The following CARS1 variants were observed in gnomAD, a reference collection of about 807,000 sequenced individuals.
CARS1 encodes the protein cysteinyl-tRNA synthetase 1, also known as cysteine--tRNA ligase, cytoplasmic.
CARS1 carries 48 observed loss-of-function variants against 106.2 expected under a neutral mutation model. The observed-to-expected ratio is 0.45, with a 90% CI of 0.36 to 0.57. CARS1 has a LOEUF of 0.57. Ranked by LOEUF, CARS1 falls within the 20% of genes least tolerant of loss-of-function variation. The pLI is 0.00. For missense variants in CARS1, 968 were observed against 1,057.2 expected (o/e 0.92, Z 1.17); for synonymous variants, 409 against 403.4 (o/e 1.01, Z -0.17).
intron 1 of CARS1, among the ~76,000 whole-genome samples, chr11:3,054,336 G>C (rs946486565): frequency 3.3e-5 from 5 of 152,214 alleles, no homozygotes; most frequent in Admixed American, 2.0e-4. Flanking sequence ...CAATGAGCCT[G>C]TGGGGTGATC....
At position 3,008,869 on chromosome 11, in the gene CARS1, T is replaced by C. The variant is rs1850162603; in HGVS notation, c.2069-1910A>G. 1 of 152,076 alleles carries C rather than the reference T, an allele frequency of 6.6e-6. No individual in the cohort carries two copies. The highest frequency in any genetic ancestry group is 2.4e-5 in the African/African-American group (1 of 41,388). The allele number at this position is 152,076 out of a possible 1,614,324, so 9.4% of individuals were successfully genotyped here. A position where few individuals can be genotyped will look rare whatever the true frequency, so the allele number is the denominator to read the frequency against. ...TGAAAGCCACCCCTGGATAGCACCC[T>C]CATTAGAAGGAAGGCAAGCCAGCAC... On this transcript the variant is annotated intron_variant, in intron 18 of 22. Coordinates refer to ENST00000380525, the MANE Select transcript of CARS1 (RefSeq NM_001014437.3). This position sits in a 1 kb window ranked among gnomAD's most constrained non-coding sequence, Gnocchi z 5.1.
In CARS1 at chr11:3,022,320, T is replaced by C. The variant is rs1851639937; in HGVS notation, c.1154-1988A>G. ...TGAAGACCTGCACCAAGGAACTGAC[T>C]CGTCGCAGAAATGTGGTTTACCTCC... On this transcript the variant is annotated intron_variant, in intron 10 of 22. Coordinates refer to ENST00000380525, the MANE Select transcript of CARS1 (RefSeq NM_001014437.3). The surrounding 1 kb of genome is among the most constrained non-coding windows in gnomAD (Gnocchi z 4.9). Among the ~76,000 whole-genome samples the C allele has an allele frequency of 6.6e-6, 1 of 152,200 alleles. No homozygotes were observed. The highest frequency in any genetic ancestry group is 2.1e-4 in the South Asian group (1 of 4,834).
intron 1 of CARS1, among the ~76,000 whole-genome samples, chr11:3,049,094 T>C (rs1855404901): frequency 7.9e-6 from 1 of 127,246 alleles, no homozygotes; most frequent in African/African-American, 3.1e-5. Flanking sequence ...CCCTTTTTTA[T>C]TTTTATTTAT....
At position 3,027,016 on chromosome 11, in the gene CARS1, G is replaced by A. The variant is rs1050046307; in HGVS notation, c.1032-219C>T. On this transcript the variant is annotated intron_variant, in intron 9 of 22. Coordinates refer to ENST00000380525, the MANE Select transcript of CARS1 (RefSeq NM_001014437.3). ...GCAGCCTGCCTGCCCTGGGCAGCTC[G>A]TCCCTCTGCCTGGCGTCCTGTGACC... 30 of 502,544 alleles carry A rather than the reference G, an allele frequency of 6.0e-5. No homozygotes were observed. In the Admixed American group the frequency reaches 7.6e-4, roughly 13 times the overall value. 31.1% of individuals were successfully genotyped at this position (502,544 alleles called of 1,614,324 possible). A position where few individuals can be genotyped will look rare whatever the true frequency, so the allele number is the denominator to read the frequency against.
chr11:3,002,636 T>TG, intron 20 of CARS1, 36 bp from the exon 21 acceptor site: 1 of 1,613,052 alleles, frequency 6.2e-7, no homozygotes, highest in Non-Finnish European at 8.5e-7. Context: ...GAGACAGGGC[T>TG]GCCTCAGGCT....
At position 3,034,077 on chromosome 11, in the gene CARS1, T is replaced by C. The variant is rs566326588; in HGVS notation, c.801+3973A>G. On this transcript the variant is annotated intron_variant, in intron 7 of 22. Coordinates refer to ENST00000380525, the MANE Select transcript of CARS1 (RefSeq NM_001014437.3). This position sits in a 1 kb window ranked among gnomAD's most constrained non-coding sequence, Gnocchi z 6.3. ...GATTACAGGAACGAGCCACTGCACC[T>C]GGTCTGGGCTGGACAATTTGACCAA... 1.3e-5 allele frequency among the ~76,000 whole-genome samples: 2 copies of C among 152,198 alleles called. No individual in the cohort carries two copies. The highest frequency in any genetic ancestry group is 2.4e-5 in the African/African-American group (1 of 41,438).
chr11:3,010,302 G>C (rs565874148), intron 18 of CARS1, among the ~76,000 whole-genome samples: 1 of 152,308 alleles, frequency 6.6e-6, no homozygotes, highest in Admixed American at 6.5e-5. Flanking sequence ...CAGGGAGCTG[G>C]GGCCCGGGCT....
chr11:3,027,697 T>G (rs1852239159), intron 9 of CARS1: 3 of 339,372 alleles, frequency 8.8e-6, no homozygotes, highest in East Asian at 8.3e-5. Flanking sequence ...TAGTGAGGAG[T>G]GACCAGAAGA....
chr11:3,017,994 T>G lies in CARS1; in HGVS notation c.1630-40A>C, dbSNP rs1279406911. On this transcript the variant is annotated intron_variant, in intron 14 of 22. Transcript: ENST00000380525. The surrounding 1 kb of genome is among the most constrained non-coding windows in gnomAD (Gnocchi z 4.9). ...ATCAGTTTAACAGCATTTAGGCAACTTTTCCATCCTGAAATATCTGTTACA... is the reference window on the plus strand; with the variant it reads ...ATCAGTTTAACAGCATTTAGGCAACGTTTCCATCCTGAAATATCTGTTACA... The G allele has an allele frequency of 7.6e-7, 1 of 1,322,474 alleles. No homozygotes were observed. The highest frequency in any genetic ancestry group is 1.7e-5 in the Admixed American group (1 of 57,378). The allele number at this position is 1,322,474 out of a possible 1,614,324, so 81.9% of individuals were successfully genotyped here.
Position 3,005,502 on chromosome 11 carries a change from G to A in CARS1, c.2150-69C>T, listed in dbSNP as rs754931322. Reference sequence around the variant, plus strand: ...CCGTCCCCACTGCGGGGCCAGCCCTGCCCTGCCCTGCCCTGCCCAGACCAT... The same window carrying A: ...CCGTCCCCACTGCGGGGCCAGCCCTACCCTGCCCTGCCCTGCCCAGACCAT... On this transcript the variant is annotated intron_variant, in intron 19 of 22. Coordinates refer to ENST00000380525, the MANE Select transcript of CARS1 (RefSeq NM_001014437.3). 28 of 1,116,826 alleles carry A rather than the reference G, an allele frequency of 2.5e-5. No individual in the cohort carries two copies. The Middle Eastern group carries it at 1.1e-3, about 45-fold the overall frequency. The allele number at this position is 1,116,826 out of a possible 1,614,324, so 69.2% of individuals were successfully genotyped here. A position where few individuals can be genotyped will look rare whatever the true frequency, so the allele number is the denominator to read the frequency against.
At chr11:3,013,022 T>C (rs1453136034) in intron 17 of CARS1, among the ~76,000 whole-genome samples, 3 of 151,672 alleles carry the variant, frequency 2.0e-5, no homozygotes, top group African/African-American at 7.3e-5. Flanking sequence ...CCCGAGTAGC[T>C]GGGATTACAG....
At position 3,034,860 on chromosome 11, in the gene CARS1, T is replaced by A. The variant is rs1370460266; in HGVS notation, c.801+3190A>T. 6.6e-6 allele frequency among the ~76,000 whole-genome samples: 1 copy of A among 152,180 alleles called. No individual in the cohort carries two copies. Among genetic ancestry groups the A allele is most frequent in the Non-Finnish European group, 1.5e-5 (1 of 68,028 alleles). On this transcript the variant is annotated intron_variant, in intron 7 of 22. Transcript: ENST00000380525. The surrounding 1 kb of genome is among the most constrained non-coding windows in gnomAD (Gnocchi z 6.3). The stretch of plus-strand genomic sequence containing the variant: ...GGGAATGGGTAATTTTTAAATAAAA[T>A]TTATTTCTTACAATTCTGTAGGCTG...
chr11:3,039,745 C>G lies in CARS1; in HGVS notation c.552+90G>C. 1.6e-6 allele frequency: 1 copy of G among 643,850 alleles called. No homozygotes were observed. Among genetic ancestry groups the G allele is most frequent in the South Asian group, 2.1e-5 (1 of 48,194 alleles). 39.9% of individuals were successfully genotyped at this position (643,850 alleles called of 1,614,324 possible). On this transcript the variant is annotated intron_variant, in intron 5 of 22. Coordinates refer to ENST00000380525, the MANE Select transcript of CARS1 (RefSeq NM_001014437.3). The surrounding 1 kb of genome is among the most constrained non-coding windows in gnomAD (Gnocchi z 5.6). Reference sequence around the variant, plus strand: ...TATCAGGTGAAAACACAAGCTAGCTCAAGCCTACATTATTTACTTATGCGA... The same window carrying G: ...TATCAGGTGAAAACACAAGCTAGCTGAAGCCTACATTATTTACTTATGCGA...
chr11:3,035,910 C>G (rs948984313), intron 7 of CARS1, among the ~76,000 whole-genome samples: 1 of 152,182 alleles, frequency 6.6e-6, no homozygotes, highest in African/African-American at 2.4e-5. Flanking sequence ...CTGAAATGTC[C>G]CCTGTGCTAA....
Position 3,020,197 on chromosome 11 carries a change from C to T in CARS1, c.1266+23G>A. ...CGCCAGTGCCCCTGTCCAAGCCCCACACCTTCTAGGCCACTCGCTCACCTT... is the reference window on the plus strand; with the variant it reads ...CGCCAGTGCCCCTGTCCAAGCCCCATACCTTCTAGGCCACTCGCTCACCTT... On this transcript the variant is annotated intron_variant, in intron 11 of 22. Transcript: ENST00000380525. This position sits in a 1 kb window ranked among gnomAD's most constrained non-coding sequence, Gnocchi z 4.6. 7.0e-7 allele frequency: 1 copy of T among 1,424,908 alleles called. No individual in the cohort carries two copies. Among genetic ancestry groups the T allele is most frequent in the Non-Finnish European group, 9.9e-7 (1 of 1,007,354 alleles). 88.3% of individuals were successfully genotyped at this position (1,424,908 alleles called of 1,614,324 possible).
intron 21 of CARS1, 168 bp downstream of exon 21, chr11:3,002,373 G>T: frequency 7.6e-7 from 1 of 1,317,240 alleles, no homozygotes; most frequent in Non-Finnish European, 1.0e-6. Context: ...CACCCCATGT[G>T]AGAAGGGCCT....
At chr11:3,009,989 C>T (rs1850292862) in intron 18 of CARS1, among the ~76,000 whole-genome samples, 1 of 152,242 alleles carries the variant, frequency 6.6e-6, no homozygotes, top group Non-Finnish European at 1.5e-5. Flanking sequence ...TCCCCAGGGT[C>T]TCTGGCTCAC....
chr11:3,054,890 G>A (rs1183839849), intron 1 of CARS1: 4 of 702,436 alleles, frequency 5.7e-6, no homozygotes, highest in South Asian at 1.5e-5. Context: ...ATGAGCAGCC[G>A]ACCAAGTGGT....
chr11:3,047,760 G>C lies in CARS1; in HGVS notation c.267C>G (p.Leu89=). Reference sequence around the variant, plus strand: ...ACCCACTCTGTTACTCACTTGCTTGGAGCCTGCAGGGCTGGCCTTTGCCAC... The same window carrying C: ...ACCCACTCTGTTACTCACTTGCTTGCAGCCTGCAGGGCTGGCCTTTGCCAC... ...SPCGKGQPCR[L]QASKGRRVQP... is the part of the protein sequence containing the mutation. The change falls in exon 2 of 23, where the codon CTC becomes CTG. Residue 89 remains leucine (L), a synonymous_variant. Coordinates refer to ENST00000380525, the MANE Select transcript of CARS1 (RefSeq NM_001014437.3). The C allele has an allele frequency of 1.9e-6, 3 of 1,610,064 alleles. No individual in the cohort carries two copies. The highest frequency in any genetic ancestry group is 2.5e-6 in the Non-Finnish European group (3 of 1,177,130).
Sources: allele counts gnomAD v4.1 joint callset (sites outside exome capture counted in the v4.1 genomes callset), GRCh38; gene constraint gnomAD v4.1.1; non-coding constraint Gnocchi (gnomAD v3.1); transcripts MANE v1.5; gene names NCBI Gene and HGNC (gene_info 2026-07-23, HGNC 2026-07-21).